Variants in MAK observed in about 807,000 individuals in gnomAD.
MAK encodes the protein male germ cell associated kinase, also known as serine/threonine-protein kinase MAK.
A neutral mutation model predicts 82.6 loss-of-function variants in MAK; 65 were observed. The observed-to-expected ratio is 0.79, with a 90% CI of 0.64 to 0.97. The LOEUF is 0.97. MAK is among the 50% of genes least tolerant of loss of function. The probability of loss-of-function intolerance (pLI) is 0.00; values close to 1 mark genes in which losing one functional copy is unlikely to be tolerated. For missense variants in MAK, 703 were observed against 780.2 expected, an observed-to-expected ratio of 0.90 and a Z score of 1.18; for synonymous variants, 250 against 274.2, an observed-to-expected ratio of 0.91 and a Z score of 0.87.
chr6:10,824,111 C>G (rs1778172737), intron 2 of MAK, among the ~76,000 whole-genome samples: 1 of 152,142 alleles, frequency 6.6e-6, no homozygotes, highest in South Asian at 2.1e-4. Context: ...TTGTATGACT[C>G]TTGTAGATAA....
At chr6:10,815,915 T>TATATATATATATATATATATAC (rs1777447828) in intron 4 of MAK, among the ~76,000 whole-genome samples, 1 of 25,116 alleles carries the variant, frequency 4.0e-5, no homozygotes, top group African/African-American at 9.7e-5. Flanking sequence ...TTATACAGTA[T>TATATATATATATATATATATAC]ATATATATAT....
intron 12 of MAK, 112 bp downstream of exon 12, chr6:10,775,216 T>C: frequency 7.6e-7 from 1 of 1,313,570 alleles, no homozygotes; most frequent in Non-Finnish European, 1.1e-6. Context: ...AAAACCTTTG[T>C]GTATCTCCCA....
intron 13 of MAK, among the ~76,000 whole-genome samples, chr6:10,772,043 C>T (rs184745678): frequency 6.0e-4 from 92 of 152,300 alleles, no homozygotes; most frequent in East Asian, 2.3e-3. Flanking sequence ...GTTTTATGGA[C>T]GGGAAAGCTG....
chr6:10,827,314 C>T (rs1201098628), intron 2 of MAK, among the ~76,000 whole-genome samples: 10 of 152,096 alleles, frequency 6.6e-5, no homozygotes, highest in Non-Finnish European at 1.5e-4. Flanking sequence ...TTGGGTGTAT[C>T]TTTCCAGGCC....
intron 10 of MAK, 148 bp downstream of exon 10, chr6:10,791,527 A>G (rs921633492): frequency 4.3e-6 from 3 of 703,734 alleles, no homozygotes; most frequent in African/African-American, 3.6e-5. Flanking sequence ...TCGGCCTCCC[A>G]AAGTGCTGGG....
At chr6:10,814,165 C>T (rs530985120) in intron 4 of MAK, among the ~76,000 whole-genome samples, 3 of 151,958 alleles carry the variant, frequency 2.0e-5, no homozygotes, top group African/African-American at 4.8e-5. Context: ...GACAGGGTTT[C>T]GCCATGTTGG....
chr6:10,775,815 GTCTC>G (rs1164125904), intron 11 of MAK, among the ~76,000 whole-genome samples: 1 of 152,092 alleles, frequency 6.6e-6, no homozygotes, highest in Non-Finnish European at 1.5e-5. Context: ...TTGAGACAGG[GTCTC>G]TCTCTGTCGT....
In MAK at chr6:10,800,075, C is replaced by CTA. The variant is rs1339447419; in HGVS notation, c.831+1815_831+1816dup. 6.7e-6 allele frequency among the ~76,000 whole-genome samples: 1 copy of CTA among 149,434 alleles called. No individual in the cohort carries two copies. Among genetic ancestry groups the CTA allele is most frequent in the Non-Finnish European group, 1.5e-5 (1 of 67,362 alleles). On this transcript the variant is annotated intron_variant, in intron 8 of 14. Coordinates refer to ENST00000354489, the MANE Select transcript of MAK (RefSeq NM_001242957.3). The surrounding 1 kb of genome is among the most constrained non-coding windows in gnomAD (Gnocchi z 4.2). ...AAACAAAAACAAAAACAAAAAAAAA[C>CTA]TAAACAAAAAAACCCCTCTGGTCTC...
chr6:10,832,223 G>T (rs1007413477), intron 1 of MAK, among the ~76,000 whole-genome samples: 1 of 152,164 alleles, frequency 6.6e-6, no homozygotes. Context: ...TGGCCTCAGC[G>T]ATCCGCCCGC....
At chr6:10,771,398 G>A (rs1031138639) in intron 13 of MAK, among the ~76,000 whole-genome samples, 2 of 152,142 alleles carry the variant, frequency 1.3e-5, no homozygotes, top group African/African-American at 4.8e-5. Context: ...ACCGCCCCTG[G>A]GATCTGGCCA....
rs1057063907 is a variant in MAK, at chr6:10,773,024, C to T, written c.1672+10G>A. On this transcript the variant is annotated intron_variant, in intron 13 of 14. Transcript: ENST00000354489. Reference sequence around the variant, plus strand: ...GAACAAACTGCATTCATCTGACGCCCAGAAATTACCTTGTGGGTCCTCTAA... The same window carrying T: ...GAACAAACTGCATTCATCTGACGCCTAGAAATTACCTTGTGGGTCCTCTAA... The T allele has an allele frequency of 1.5e-5, 23 of 1,516,592 alleles. No homozygotes were observed. In the African/African-American group the frequency reaches 3.0e-4, roughly 20 times the overall value. 93.9% of individuals were successfully genotyped at this position (1,516,592 alleles called of 1,614,324 possible).
At position 10,784,414 on chromosome 6, in the gene MAK, C is replaced by T. The variant is rs913707707; in HGVS notation, c.1465+10G>A. On this transcript the variant is annotated intron_variant, in intron 11 of 14. Coordinates refer to ENST00000354489, the MANE Select transcript of MAK (RefSeq NM_001242957.3). The stretch of plus-strand genomic sequence containing the variant: ...TAGTTAGCAGCAAACATTTTCTTTG[C>T]TCTACTTACCTGGAAGATATCTTGA... The T allele has an allele frequency of 5.0e-6, 8 of 1,613,936 alleles. No individual in the cohort carries two copies. The African/African-American group carries it at 6.7e-5, about 13-fold the overall frequency.
intron 11 of MAK, chr6:10,779,239 G>C: frequency 1.4e-6 from 1 of 710,796 alleles, no homozygotes; most frequent in Non-Finnish European, 1.7e-6. Context: ...CAGGGGGTGA[G>C]ACCAGAGGGC....
intron 9 of MAK, 25 bp from the exon 10 acceptor site, chr6:10,791,872 A>C: frequency 6.2e-7 from 1 of 1,612,952 alleles, no homozygotes; most frequent in Non-Finnish European, 8.5e-7. Context: ...CAGTCATCAT[A>C]ATCTTTAATC....
At chr6:10,824,154 C>T (rs898071853) in intron 2 of MAK, among the ~76,000 whole-genome samples, 6 of 152,078 alleles carry the variant, frequency 3.9e-5, no homozygotes, top group Admixed American at 6.5e-5. Flanking sequence ...TGAGGAGTAA[C>T]GGCTATAGTG....
At chr6:10,810,115 AG>A (rs1304341391) in intron 5 of MAK, among the ~76,000 whole-genome samples, 4,292 of 30,058 alleles carry the variant, frequency 0.14, 178 homozygotes, top group African/African-American at 0.37. Context: ...AAAAAAAAAA[AG>A]AAAGAAAAGA....
At chr6:10,825,604 C>A (rs1176160358) in intron 2 of MAK, among the ~76,000 whole-genome samples, 6 of 152,060 alleles carry the variant, frequency 3.9e-5, no homozygotes, top group Non-Finnish European at 5.9e-5. Flanking sequence ...AGTCATCATG[C>A]CCCAGACTGA....
chr6:10,771,073 C>G (rs1772973556), intron 13 of MAK, among the ~76,000 whole-genome samples: 3 of 151,894 alleles, frequency 2.0e-5, no homozygotes. Flanking sequence ...GACATGGTAC[C>G]CAGAGGACAT....
intron 4 of MAK, among the ~76,000 whole-genome samples, 190 bp from the exon 5 acceptor site, chr6:10,813,913 G>A (rs1581739937): frequency 6.6e-6 from 1 of 151,944 alleles, no homozygotes; most frequent in Admixed American, 6.6e-5. Flanking sequence ...TTGTTTTGAT[G>A]TGAGGTAAAA....
Sources: gnomAD v4.1 joint callset for allele counts (sites outside exome capture counted in the v4.1 genomes callset) on GRCh38, gnomAD v4.1.1 for gene constraint, Gnocchi (gnomAD v3.1) non-coding constraint, MANE v1.5 for transcripts, NCBI Gene and HGNC (gene_info 2026-07-23, HGNC 2026-07-21) for gene names.